The following EPHB2 variants were observed in gnomAD, a reference collection of about 807,000 sequenced individuals.
The protein encoded by EPHB2 is ephrin type-B receptor 2.
Under a neutral mutation model 96.4 loss-of-function variants are expected in EPHB2, and 18 were observed. The observed-to-expected ratio is 0.19, with a 90% CI of 0.13 to 0.28. The LOEUF is 0.28. Among genes scored for constraint, EPHB2 ranks in the 10% least tolerant of loss-of-function variants. EPHB2 has a pLI of 1.00. For missense variants in EPHB2, 989 were observed against 1,355.4 expected, an observed-to-expected ratio of 0.73 and a Z score of 4.25; for synonymous variants, 506 against 534.1, an observed-to-expected ratio of 0.95 and a Z score of 0.72.
chr1:22,745,027 C>G (rs920787070), intron 1 of EPHB2, among the ~76,000 whole-genome samples: 4 of 152,096 alleles, frequency 2.6e-5, no homozygotes, highest in Non-Finnish European at 5.9e-5. Context: ...GAAGAAAGTC[C>G]AAGCATAAGT....
chr1:22,886,973 G>A (rs1172881554), intron 6 of EPHB2, among the ~76,000 whole-genome samples: 1 of 152,064 alleles, frequency 6.6e-6, no homozygotes, highest in Non-Finnish European at 1.5e-5. Context: ...AATGTGAAGG[G>A]TGACTCCTAG....
At position 22,768,030 on chromosome 1, in the gene EPHB2, G is replaced by A. The variant is rs563241610; in HGVS notation, c.62-13391G>A. On this transcript the variant is annotated intron_variant, in intron 1 of 15. Transcript: ENST00000374630. ...AGCCCAGGGAGTCACACTGAGCAGA[G>A]ATGGCACCCTGGGGTGTTCTGTCAC... Among the ~76,000 whole-genome samples, 11 of 152,360 alleles carry A rather than the reference G, an allele frequency of 7.2e-5. No individual in the cohort carries two copies. In the South Asian group the frequency reaches 1.9e-3, roughly 26 times the overall value.
intron 1 of EPHB2, among the ~76,000 whole-genome samples, chr1:22,750,664 G>A (rs1285438320): frequency 6.6e-6 from 1 of 152,218 alleles, no homozygotes; most frequent in African/African-American, 2.4e-5. Flanking sequence ...ACCTGCTAGG[G>A]AGCTGGAATG....
intron 5 of EPHB2, among the ~76,000 whole-genome samples, chr1:22,876,468 T>C (rs1570424223): frequency 1.3e-5 from 2 of 151,952 alleles, no homozygotes; most frequent in East Asian, 3.9e-4. Context: ...GGGGCTGAAC[T>C]CCCCTCTGGG....
chr1:22,820,612 A>G (rs1159101584), intron 3 of EPHB2, among the ~76,000 whole-genome samples: 2 of 152,188 alleles, frequency 1.3e-5, no homozygotes, highest in Non-Finnish European at 2.9e-5. Flanking sequence ...GCAGTGAGTC[A>G]TGATTGCACC....
chr1:22,762,142 G>T (rs546435501), intron 1 of EPHB2, among the ~76,000 whole-genome samples: 29 of 152,320 alleles, frequency 1.9e-4, no homozygotes, highest in African/African-American at 6.5e-4. Flanking sequence ...CATCTGAGGC[G>T]AACGTCTCCT....
chr1:22,748,443 G>A (rs1218539474), intron 1 of EPHB2, among the ~76,000 whole-genome samples: 5 of 150,772 alleles, frequency 3.3e-5, no homozygotes, highest in African/African-American at 9.7e-5. Flanking sequence ...GTGCAGTGGC[G>A]TGATCTCAGC....
intron 3 of EPHB2, among the ~76,000 whole-genome samples, chr1:22,807,282 G>C (rs1250199877): frequency 6.6e-6 from 1 of 152,206 alleles, no homozygotes; most frequent in East Asian, 1.9e-4. Context: ...AAGGAAAAGG[G>C]AGAAATGGCT....
intron 3 of EPHB2, among the ~76,000 whole-genome samples, chr1:22,851,793 G>A (rs776624456): frequency 6.6e-6 from 1 of 152,144 alleles, no homozygotes; most frequent in Non-Finnish European, 1.5e-5. Flanking sequence ...GCTGTTTCAC[G>A]CCTCTGTGCC....
chr1:22,865,053 G>A lies in EPHB2; in HGVS notation c.1144G>A (p.Ala382Thr), dbSNP rs368104279. 1.8e-4 allele frequency: 291 copies of A among 1,614,056 alleles called. No individual in the cohort carries two copies. The highest frequency in any genetic ancestry group is 2.2e-4 in the Non-Finnish European group (258 of 1,180,046). The change falls in exon 5 of 16, where the codon GCA (alanine) becomes ACA (threonine). Residue 382 changes from alanine (A) to threonine (T), a missense_variant. Physicochemically the swap from Ala to Thr is moderately conservative, Grantham distance 58 (BLOSUM62 0). Transcript: ENST00000374630. ...CTRCGDNVQY[A>T]PRQLGLTEPR... Reference sequence around the variant, plus strand: ...CCGCTGCGGGGACAATGTACAGTACGCACCACGCCAGCTAGGCCTGACCGA... The same window carrying A: ...CCGCTGCGGGGACAATGTACAGTACACACCACGCCAGCTAGGCCTGACCGA...
At chr1:22,747,117 G>A (rs1042247343) in intron 1 of EPHB2, among the ~76,000 whole-genome samples, 3 of 152,186 alleles carry the variant, frequency 2.0e-5, no homozygotes, top group African/African-American at 7.2e-5. Context: ...TTCTGCATCA[G>A]CTGCTGCTTA....
At chr1:22,849,901 C>CG (rs1297958966) in intron 3 of EPHB2, among the ~76,000 whole-genome samples, 2 of 152,196 alleles carry the variant, frequency 1.3e-5, no homozygotes, top group African/African-American at 4.8e-5. Flanking sequence ...GCCCTGGGCC[C>CG]GGGTAAAGGG....
At chr1:22,748,881 C>A (rs1382824994) in intron 1 of EPHB2, among the ~76,000 whole-genome samples, 1 of 148,284 alleles carries the variant, frequency 6.7e-6, no homozygotes, top group Non-Finnish European at 1.5e-5. Context: ...ATGGCAAAAA[C>A]CAGAATTACT....
intron 3 of EPHB2, among the ~76,000 whole-genome samples, chr1:22,804,895 TCTCTCTAGCTCC>T (rs1278723865): frequency 1.3e-5 from 2 of 151,854 alleles, no homozygotes; most frequent in African/African-American, 4.8e-5. Flanking sequence ...TCTCTCCCCG[TCTCTCTAGCTCC>T]CTCCCCATTT....
intron 1 of EPHB2, among the ~76,000 whole-genome samples, chr1:22,736,891 G>C (rs140857431): frequency 6.6e-6 from 1 of 152,286 alleles, no homozygotes; most frequent in African/African-American, 2.4e-5. Flanking sequence ...GAGGAGGGGA[G>C]ACTGGGGGAG....
At chr1:22,805,160 C>T (rs975612986) in intron 3 of EPHB2, among the ~76,000 whole-genome samples, 14 of 152,016 alleles carry the variant, frequency 9.2e-5, no homozygotes, top group East Asian at 3.9e-4. Context: ...GCCATGCACC[C>T]GGAGTCCACA....
intron 3 of EPHB2, among the ~76,000 whole-genome samples, chr1:22,843,210 G>A (rs1489439722): frequency 6.6e-6 from 1 of 152,176 alleles, no homozygotes; most frequent in Admixed American, 6.5e-5. Flanking sequence ...AACCTTGCAA[G>A]GGAGTGTCCC....
Position 22,828,815 on chromosome 1 carries a change from T to G in EPHB2, c.812-34222T>G, listed in dbSNP as rs116507258. On this transcript the variant is annotated intron_variant, in intron 3 of 15. Coordinates refer to ENST00000374630, the MANE Select transcript of EPHB2 (RefSeq NM_017449.5). ...AGGCCAAGAGGCAGGAGCTTTAGAA[T>G]GTTGTAGGCATAAAAGGGTTAAAAT... 1.0e-3 allele frequency among the ~76,000 whole-genome samples: 156 copies of G among 152,326 alleles called. 1 individual carries two copies. The highest frequency in any genetic ancestry group is 3.7e-3 in the African/African-American group (153 of 41,572).
intron 1 of EPHB2, among the ~76,000 whole-genome samples, chr1:22,739,056 T>C (rs755433607): frequency 4.6e-5 from 7 of 152,302 alleles, no homozygotes; most frequent in Non-Finnish European, 7.3e-5. Flanking sequence ...TACTTTTTTT[T>C]AGCAACAGGG....
Sources: allele counts gnomAD v4.1 joint callset (sites outside exome capture counted in the v4.1 genomes callset), GRCh38; gene constraint gnomAD v4.1.1; transcripts MANE v1.5; gene names NCBI Gene and HGNC (gene_info 2026-07-23, HGNC 2026-07-21).